The following VDR variants were observed in gnomAD, a reference collection of about 807,000 sequenced individuals.
The protein encoded by VDR is vitamin D3 receptor.
In VDR, 19 loss-of-function variants were observed where a neutral mutation model predicts 39.7. The ratio of observed to expected loss-of-function variants is 0.48; its 90% CI spans 0.33 to 0.70. VDR has a LOEUF of 0.70. Among genes scored for constraint, VDR ranks in the 30% least tolerant of loss-of-function variants. The pLI, the probability that VDR is intolerant of heterozygous loss-of-function variation, is 0.02. For synonymous variants in VDR, 242 were observed against 215.8 expected (o/e 1.12, Z -1.07); for missense variants, 442 against 570.5 (o/e 0.77, Z 2.29).
chr12:47,899,894 G>A (rs1167418007), intron 1 of VDR: 1 of 985,312 alleles, frequency 1.0e-6, no homozygotes, highest in South Asian at 4.7e-5. Context: ...CACGGGGCCT[G>A]GCATGAGGCT....
intron 3 of VDR, among the ~76,000 whole-genome samples, chr12:47,869,319 G>A (rs558578693): frequency 2.0e-5 from 3 of 151,644 alleles, no homozygotes; most frequent in East Asian, 1.9e-4. Context: ...GGCGGATCGC[G>A]AGGTCAGGAG....
intron 7 of VDR, among the ~76,000 whole-genome samples, chr12:47,853,883 T>C (rs1406380708): frequency 6.6e-6 from 1 of 151,362 alleles, no homozygotes; most frequent in Admixed American, 6.6e-5. Context: ...GATCGCGCCA[T>C]TGCACTCCAG....
intron 3 of VDR, among the ~76,000 whole-genome samples, chr12:47,865,714 CTTTTTTTT>C (rs34900299): frequency 7.5e-5 from 8 of 106,348 alleles, no homozygotes; most frequent in African/African-American, 2.9e-4. Flanking sequence ...CACTCCGACT[CTTTTTTTT>C]TTTTTTTTTT....
chr12:47,850,256 A>G (rs1442042016), intron 7 of VDR, among the ~76,000 whole-genome samples: 1 of 152,122 alleles, frequency 6.6e-6, no homozygotes, highest in African/African-American at 2.4e-5. Context: ...TCTTTATCCT[A>G]CTTCCTATAT....
chr12:47,901,046 A>C (rs1157975274), intron 1 of VDR: 2 of 154,920 alleles, frequency 1.3e-5, no homozygotes, highest in Non-Finnish European at 2.9e-5. Context: ...TTCACCAACC[A>C]GACACCCCCA....
Position 47,846,052 on chromosome 12 carries a change from C to T in VDR, c.1024+283G>A, listed in dbSNP as rs1544410. ...GAGCAGAGCCTGAGTATTGGGAATG[C>T]GCAGGCCTGTCTGTGGCCCCAGGAA... On this transcript the variant is annotated intron_variant, in intron 9 of 9. Transcript: ENST00000549336. Among the ~76,000 whole-genome samples, 53,009 of 152,108 alleles carry T rather than the reference C, an allele frequency of 0.35. 9,698 individuals carry two copies. The highest frequency in any genetic ancestry group is 0.45 in the South Asian group (2,150 of 4,826).
In VDR at chr12:47,844,914, C is replaced by G. The variant is rs990451371; in HGVS notation, c.1116G>C (p.Pro372=). ...CATAGAGCAGGTGGCTGCCCGGGGG[C>G]GGGTGGCGGCAGCGGATGTACGTCT... ...TLQTYIRCRH[P]PPGSHLLYAK... Residue 372 remains proline, a synonymous_variant, in exon 10 of 10, where the codon CCG becomes CCC. Transcript: ENST00000549336. 3 of 1,614,098 alleles carry G rather than the reference C, an allele frequency of 1.9e-6. No homozygotes were observed. The South Asian group carries it at 3.3e-5, about 18-fold the overall frequency.
chr12:47,875,088 T>C (rs917455056), intron 3 of VDR, among the ~76,000 whole-genome samples: 1 of 152,202 alleles, frequency 6.6e-6, no homozygotes, highest in Admixed American at 6.5e-5. Flanking sequence ...GCAGGAGGAA[T>C]TGACCAGCAA....
intron 9 of VDR, 138 bp from the exon 10 acceptor site, chr12:47,845,143 GATAC>G (rs1945255689): frequency 2.9e-6 from 4 of 1,359,506 alleles, no homozygotes; most frequent in Non-Finnish European, 4.1e-6. Context: ...GCTGACCGGT[GATAC>G]CACTGCCTGG....
At chr12:47,848,592 A>T (rs1945325880) in intron 7 of VDR, among the ~76,000 whole-genome samples, 3 of 91,944 alleles carry the variant, frequency 3.3e-5, no homozygotes, top group East Asian at 3.6e-4. Context: ...TTTGAGACAG[A>T]GTCTTGCTCT....
chr12:47,868,963 A>G (rs1945791908), intron 3 of VDR, among the ~76,000 whole-genome samples: 1 of 152,256 alleles, frequency 6.6e-6, no homozygotes, highest in South Asian at 2.1e-4. Flanking sequence ...GCCTCTCACC[A>G]GACTGGGCCC....
In VDR at chr12:47,857,031, G is replaced by A. The variant is rs549165190; in HGVS notation, c.583+98C>T. On this transcript the variant is annotated intron_variant, in intron 6 of 9. Transcript: ENST00000549336. ...AGTATTTATGTAAGTTTCCATTAGGGAGCCTTCCACCTCCTTCCATCCAGC... is the reference window on the plus strand; with the variant it reads ...AGTATTTATGTAAGTTTCCATTAGGAAGCCTTCCACCTCCTTCCATCCAGC... 1.5e-4 allele frequency: 238 copies of A among 1,575,296 alleles called. 4 individuals are homozygous for A. In the African/African-American group the frequency reaches 3.0e-3, roughly 20 times the overall value.
chr12:47,880,194 C>T (rs1229255912), intron 2 of VDR, among the ~76,000 whole-genome samples: 4 of 152,082 alleles, frequency 2.6e-5, no homozygotes, highest in Non-Finnish European at 4.4e-5. Flanking sequence ...TCCTTCTTGT[C>T]AGAAGAAAAA....
chr12:47,855,789 G>A lies in VDR; in HGVS notation c.596C>T (p.Ser199Leu), dbSNP rs1393228281. The A allele has an allele frequency of 2.5e-6, 4 of 1,613,974 alleles. No individual in the cohort carries two copies. The highest frequency in any genetic ancestry group is 8.5e-7 in the Non-Finnish European group (1 of 1,179,972). ...HCITSSDMMDSSSFSNLDLSE... is the reference protein window; with the variant it reads ...HCITSSDMMDLSSFSNLDLSE... Reference sequence around the variant, plus strand: ...CAGATCCAGATTGGAGAAGCTGGACGAGTCCATCATGTCTGGGAGAGATGA... The same window carrying A: ...CAGATCCAGATTGGAGAAGCTGGACAAGTCCATCATGTCTGGGAGAGATGA... Residue 199 changes from serine to leucine, a missense_variant, in exon 7 of 10, where the codon TCG becomes TTG. Coordinates refer to ENST00000549336, the MANE Select transcript of VDR (RefSeq NM_000376.3).
intron 4 of VDR, among the ~76,000 whole-genome samples, chr12:47,864,166 T>C (rs1945680239): frequency 6.6e-6 from 1 of 152,178 alleles, no homozygotes; most frequent in Admixed American, 6.5e-5. Flanking sequence ...GAAAAAGGAA[T>C]GAGTGTACAG....
rs149822242 is a variant in VDR, at chr12:47,848,231, A to G, written c.756-1423T>C. On this transcript the variant is annotated intron_variant, in intron 7 of 9. Coordinates refer to ENST00000549336, the MANE Select transcript of VDR (RefSeq NM_000376.3). ...TTTTTTGTAGGGATGGTGTCTCACTATGTGGCCCAGGCTGGTCTCAAATTC... is the reference window on the plus strand; with the variant it reads ...TTTTTTGTAGGGATGGTGTCTCACTGTGTGGCCCAGGCTGGTCTCAAATTC... 2.5e-3 allele frequency among the ~76,000 whole-genome samples: 375 copies of G among 152,004 alleles called. 2 individuals carry two copies. The highest frequency in any genetic ancestry group is 4.5e-3 in the Non-Finnish European group (304 of 67,970).
chr12:47,904,688 C>T, intron 1 of VDR: 1 of 1,505,986 alleles, frequency 6.6e-7, no homozygotes, highest in Non-Finnish European at 8.9e-7. Context: ...AAGTGCTAAG[C>T]ACTGTGTTAG....
chr12:47,877,666 C>G (rs1245682660), intron 3 of VDR, among the ~76,000 whole-genome samples: 3 of 152,088 alleles, frequency 2.0e-5, no homozygotes, highest in African/African-American at 7.3e-5. Flanking sequence ...GAGGACCTGG[C>G]AGGAAAGGGT....
At position 47,845,023 on chromosome 12, in the gene VDR, G is replaced by C; in HGVS notation, c.1025-18C>G. The C allele has an allele frequency of 6.2e-7, 1 of 1,609,134 alleles. No homozygotes were observed. Among genetic ancestry groups the C allele is most frequent in the Non-Finnish European group, 8.5e-7 (1 of 1,179,900 alleles). ...AGGACGATCTGTGGGCACGGGGATA[G>C]AGAAGAAGGCACAGGAGCTCTCAGC... On this transcript the variant is annotated intron_variant, in intron 9 of 9. Transcript: ENST00000549336.
Sources: allele counts gnomAD v4.1 joint callset (sites outside exome capture counted in the v4.1 genomes callset), GRCh38; gene constraint gnomAD v4.1.1; transcripts MANE v1.5; gene names NCBI Gene and HGNC (gene_info 2026-07-23, HGNC 2026-07-21).